Variants in SLIT2 observed in about 807,000 individuals in gnomAD.
The protein encoded by SLIT2 is slit homolog 2 protein.
SLIT2 carries 41 observed loss-of-function variants against 185.7 expected under a neutral mutation model. The observed-to-expected ratio is 0.22, with a 90% CI of 0.17 to 0.29. The LOEUF is 0.29. Among genes scored for constraint, SLIT2 ranks in the 10% least tolerant of loss-of-function variants. The probability of loss-of-function intolerance (pLI) is 1.00; values close to 1 mark genes in which losing one functional copy is unlikely to be tolerated. For synonymous variants in SLIT2, 693 were observed against 680.2 expected (o/e 1.02, Z -0.29); for missense variants, 1,571 against 1,909.0 (o/e 0.82, Z 3.30).
At position 20,495,917 on chromosome 4, in the gene SLIT2, G is replaced by T. The variant is rs141202487; in HGVS notation, c.914+4018G>T. ...AAGAACATCACTAAGATTATTAAAT[G>T]TGGAAATATCTTTATAGATGGCAGG... On this transcript the variant is annotated intron_variant, in intron 9 of 36. Coordinates refer to ENST00000504154, the MANE Select transcript of SLIT2 (RefSeq NM_004787.4). 4.0e-3 allele frequency among the ~76,000 whole-genome samples: 605 copies of T among 152,102 alleles called. 4 individuals carry two copies. Among genetic ancestry groups the T allele is most frequent in the African/African-American group, 0.014 (571 of 41,508 alleles).
chr4:20,325,011 G>A (rs1019588782), intron 4 of SLIT2, among the ~76,000 whole-genome samples: 2 of 151,922 alleles, frequency 1.3e-5, no homozygotes, highest in African/African-American at 4.8e-5. Flanking sequence ...AGGAAGTCAG[G>A]CAGGCTTTTT....
intron 4 of SLIT2, among the ~76,000 whole-genome samples, chr4:20,344,143 C>G (rs777998266): frequency 6.6e-6 from 1 of 152,162 alleles, no homozygotes; most frequent in Non-Finnish European, 1.5e-5. Context: ...CCACCGCGCC[C>G]GGCCACAAAG....
At chr4:20,427,925 G>A (rs1728682744) in intron 4 of SLIT2, among the ~76,000 whole-genome samples, 1 of 152,102 alleles carries the variant, frequency 6.6e-6, no homozygotes, top group Admixed American at 6.6e-5. Context: ...GAAGGACTGA[G>A]AAGAGAAGAA....
At chr4:20,520,496 A>T (rs1469163011) in intron 12 of SLIT2, among the ~76,000 whole-genome samples, 1 of 152,140 alleles carries the variant, frequency 6.6e-6, no homozygotes, top group Non-Finnish European at 1.5e-5. Context: ...ATCCTTACGC[A>T]TACAATGTTA....
chr4:20,418,920 C>G (rs1355701540), intron 4 of SLIT2, among the ~76,000 whole-genome samples: 1 of 152,108 alleles, frequency 6.6e-6, no homozygotes, highest in Non-Finnish European at 1.5e-5. Flanking sequence ...CTCTCATCTC[C>G]CGCCCCACAG....
intron 4 of SLIT2, among the ~76,000 whole-genome samples, chr4:20,378,841 C>T (rs1334842894): frequency 6.6e-6 from 1 of 152,038 alleles, no homozygotes; most frequent in African/African-American, 2.4e-5. Context: ...AACTAATTTA[C>T]CCTTCAGTAT....
At chr4:20,563,705 G>A (rs1405108357) in intron 26 of SLIT2, among the ~76,000 whole-genome samples, 1 of 150,536 alleles carries the variant, frequency 6.6e-6, no homozygotes, top group Non-Finnish European at 1.5e-5. Flanking sequence ...GCCTTTGTCT[G>A]TGTTGAAATT....
chr4:20,462,914 G>C (rs757126701), intron 4 of SLIT2, among the ~76,000 whole-genome samples: 1 of 152,146 alleles, frequency 6.6e-6, no homozygotes, highest in Non-Finnish European at 1.5e-5. Flanking sequence ...GCACATAAAA[G>C]AGTCTCCAAG....
intron 4 of SLIT2, among the ~76,000 whole-genome samples, chr4:20,372,920 G>T (rs1261256544): frequency 6.6e-6 from 1 of 152,014 alleles, no homozygotes; most frequent in Non-Finnish European, 1.5e-5. Context: ...GAGAGAAGTT[G>T]CCTTTAAAGA....
chr4:20,332,334 A>G (rs776023950), intron 4 of SLIT2, among the ~76,000 whole-genome samples: 1 of 152,140 alleles, frequency 6.6e-6, no homozygotes, highest in Non-Finnish European at 1.5e-5. Context: ...ACTATTTTTC[A>G]TAGACACCAG....
rs542312039 is a variant in SLIT2 at position 20,562,029 on chromosome 4, G to A, written c.2726-5233G>A. ...TAGTGGCCCAAAGTCACATGTAGGT[G>A]TTGCGAATGGCCAAGCCTGGTAATC... On this transcript the variant is annotated intron_variant, in intron 26 of 36. Transcript: ENST00000504154. 3.9e-5 allele frequency among the ~76,000 whole-genome samples: 6 copies of A among 151,910 alleles called. No individual in the cohort carries two copies. In the South Asian group the frequency reaches 1.2e-3, roughly 32 times the overall value.
At chr4:20,512,861 G>A (rs1719879984) in intron 11 of SLIT2, among the ~76,000 whole-genome samples, 1 of 152,058 alleles carries the variant, frequency 6.6e-6, no homozygotes, top group South Asian at 2.1e-4. Flanking sequence ...CCTTAATAAT[G>A]TTAATTGACA....
intron 4 of SLIT2, among the ~76,000 whole-genome samples, chr4:20,323,426 T>C (rs1719273554): frequency 6.6e-6 from 1 of 152,200 alleles, no homozygotes; most frequent in Admixed American, 6.5e-5. Flanking sequence ...ATGGCAGAGC[T>C]TTAAATTGAA....
chr4:20,595,617 C>G, intron 30 of SLIT2, 80 bp from the exon 31 acceptor site: 1 of 1,536,296 alleles, frequency 6.5e-7, no homozygotes, highest in Admixed American at 1.8e-5. Flanking sequence ...AAAGATGGTG[C>G]CATTGTGTCT....
chr4:20,257,783 G>A, intron 2 of SLIT2, 85 bp from the exon 3 acceptor site: 2 of 742,978 alleles, frequency 2.7e-6, no homozygotes, highest in South Asian at 1.6e-5. Flanking sequence ...AAGGGAAAGA[G>A]TTTACAAGTT....
intron 3 of SLIT2, among the ~76,000 whole-genome samples, chr4:20,264,493 A>C (rs1712818943): frequency 6.6e-6 from 1 of 151,902 alleles, no homozygotes. Context: ...TACGTTTTGA[A>C]TTAGATGGAA....
rs1411615379 is a variant in SLIT2, at chr4:20,484,776, T to A, written c.540-1424T>A. The stretch of plus-strand genomic sequence containing the variant: ...TTTATCTCTAGCTTCCCTTGGAAAA[T>A]CTGATTGTTTGACAGCCCTCCCTTA... On this transcript the variant is annotated intron_variant, in intron 6 of 36. Transcript: ENST00000504154. This position sits in a 1 kb window ranked among gnomAD's most constrained non-coding sequence, Gnocchi z 4.3. Among the ~76,000 whole-genome samples the A allele has an allele frequency of 1.3e-5, 2 of 152,156 alleles. No homozygotes were observed. The highest frequency in any genetic ancestry group is 1.3e-4 in the Admixed American group (2 of 15,270).
In SLIT2 at chr4:20,480,762, A is replaced by G; in HGVS notation, c.514A>G (p.Arg172Gly). The change falls in exon 6 of 37, where the codon AGG becomes GGG. Residue 172 changes from arginine to glycine, a missense_variant. Physicochemically the swap from Arg to Gly is moderately radical, Grantham distance 125. Transcript: ENST00000504154. The part of the protein sequence containing the change: ...QISCIEDGAF[R>G]ALRDLEVLTL... ...CAGCTGTATTGAAGATGGGGCATTC[A>G]GGGCTCTCCGGGACCTGGAAGTGCT... The G allele has an allele frequency of 1.9e-6, 3 of 1,613,382 alleles. No individual in the cohort carries two copies. The highest frequency in any genetic ancestry group is 2.5e-6 in the Non-Finnish European group (3 of 1,179,372).
Position 20,253,925 on chromosome 4 carries a change from G to A in SLIT2, c.110G>A (p.Ser37Asn). Reference sequence around the variant, plus strand: ...CCGGCGCAGTGCTCTTGCTCGGGCAGCACAGTGGACTGTCACGGGCTGGCG... The same window carrying A: ...CCGGCGCAGTGCTCTTGCTCGGGCAACACAGTGGACTGTCACGGGCTGGCG... Reference protein sequence around the residue: ...ACPAQCSCSGSTVDCHGLALR... With the variant: ...ACPAQCSCSGNTVDCHGLALR... Residue 37 changes from serine (S) to asparagine (N), a missense_variant, in exon 1 of 37, where the codon AGC becomes AAC. Physicochemically the swap from Ser to Asn is conservative, Grantham distance 46. Around this residue, in one of 3 missense-constraint regions of SLIT2, gnomAD observed 1,202 missense variants for 1,416.4 expected, o/e 0.85. Coordinates refer to ENST00000504154, the MANE Select transcript of SLIT2 (RefSeq NM_004787.4). 1 of 1,602,634 alleles carries A rather than the reference G, an allele frequency of 6.2e-7. No homozygotes were observed.
Sources: gnomAD v4.1 joint callset for allele counts (sites outside exome capture counted in the v4.1 genomes callset) on GRCh38, gnomAD v4.1.1 for gene constraint, gnomAD v4.1.1 regional missense constraint, Gnocchi (gnomAD v3.1) non-coding constraint, MANE v1.5 for transcripts, NCBI Gene and HGNC (gene_info 2026-07-23, HGNC 2026-07-21) for gene names.